The following TRDMT1 variants were observed in gnomAD, a reference collection of about 807,000 sequenced individuals.
TRDMT1 encodes the protein tRNA (cytosine(38)-C(5))-methyltransferase.
In TRDMT1, 49 loss-of-function variants were observed where a neutral mutation model predicts 51.2. The ratio of observed to expected loss-of-function variants is 0.96; its 90% confidence interval spans 0.76 to 1.21. The LOEUF (loss-of-function observed/expected upper bound fraction) is 1.21, where lower values mean the gene tolerates loss of function less well. Among genes scored for constraint, TRDMT1 ranks in the 50% most tolerant of loss-of-function variants. TRDMT1 has a pLI of 0.00. For synonymous variants in TRDMT1, 187 were observed against 164.6 expected (o/e 1.14, Z -1.04); for missense variants, 534 against 462.3 (o/e 1.16, Z -1.42).
At chr10:17,151,991 T>C (rs1315521612) in intron 10 of TRDMT1, 4 of 1,290,710 alleles carry the variant, frequency 3.1e-6, no homozygotes, top group Non-Finnish European at 4.1e-6. Context: ...ATTACCAAAG[T>C]GACTACTGCC....
At chr10:17,199,938 T>C (rs905355066) in intron 1 of TRDMT1, among the ~76,000 whole-genome samples, 3 of 152,202 alleles carry the variant, frequency 2.0e-5, no homozygotes, top group Non-Finnish European at 4.4e-5. Context: ...CACTTAAAAT[T>C]ACACAATTTC....
At chr10:17,181,318 C>T (rs1190738562) in intron 1 of TRDMT1, among the ~76,000 whole-genome samples, 1 of 152,158 alleles carries the variant, frequency 6.6e-6, no homozygotes, top group East Asian at 1.9e-4. Flanking sequence ...CTGATCCGTG[C>T]ACTCTCATCA....
At chr10:17,200,579 T>C (rs1846017212) in intron 1 of TRDMT1, 1 of 167,046 alleles carries the variant, frequency 6.0e-6, no homozygotes, top group South Asian at 2.1e-4. Context: ...GTTCGGTGGT[T>C]GTCTTAGTAA....
chr10:17,173,175 T>C (rs1021031704), intron 2 of TRDMT1, among the ~76,000 whole-genome samples: 1 of 152,194 alleles, frequency 6.6e-6, no homozygotes, highest in African/African-American at 2.4e-5. Context: ...TAAAGTTTAA[T>C]AAATGTAGGT....
intron 7 of TRDMT1, 112 bp downstream of exon 7, chr10:17,159,034 A>C: frequency 1.6e-6 from 1 of 636,138 alleles, no homozygotes; most frequent in Non-Finnish European, 2.4e-6. Context: ...TTTAGATTCT[A>C]TAGTACACAG....
intron 3 of TRDMT1, among the ~76,000 whole-genome samples, chr10:17,163,423 A>C (rs1188644837): frequency 6.6e-6 from 1 of 152,228 alleles, no homozygotes; most frequent in African/African-American, 2.4e-5. Context: ...AAAACAGGAA[A>C]GATCTAAAAT....
In TRDMT1 at chr10:17,157,474, G is replaced by T. The variant is rs1839687404; in HGVS notation, c.854C>A (p.Pro285His). Residue 285 changes from proline (P) to histidine (H), a missense_variant, in exon 8 of 11, where the codon CCC becomes CAC. Pro to His is a moderately conservative substitution (Grantham distance 77, BLOSUM62 -2). Transcript: ENST00000377799. ...AAAGCACACGGACCTTCTACAAGTG[G>T]GCTGAACAATGTCTAACAGAAGAGC... ...RYALLLDIVQ[P>H]TCRRSVCFTK... 1 of 1,612,568 alleles carries T rather than the reference G, an allele frequency of 6.2e-7. No homozygotes were observed. Among genetic ancestry groups the T allele is most frequent in the Non-Finnish European group, 8.5e-7 (1 of 1,178,724 alleles).
chr10:17,172,501 G>GA (rs200961504), intron 2 of TRDMT1, among the ~76,000 whole-genome samples: 63 of 148,048 alleles, frequency 4.3e-4, no homozygotes, highest in Admixed American at 7.4e-4. Flanking sequence ...CTCCAAAAAA[G>GA]AAAAAAAAAT....
intron 8 of TRDMT1, among the ~76,000 whole-genome samples, chr10:17,155,215 A>T (rs191162678): frequency 1.3e-5 from 2 of 148,198 alleles, no homozygotes; most frequent in Admixed American, 6.8e-5. Context: ...CTCCATCTCA[A>T]AAAAATGATA....
chr10:17,190,640 C>T (rs1844570628), intron 1 of TRDMT1, among the ~76,000 whole-genome samples: 1 of 152,178 alleles, frequency 6.6e-6, no homozygotes, highest in Admixed American at 6.5e-5. Flanking sequence ...AAATCTCACA[C>T]ACAACCATGC....
At position 17,141,397 on chromosome 10, in the gene TRDMT1, T is replaced by C. The variant is rs1837675665; in HGVS notation, c.*7643A>G. Among the ~76,000 whole-genome samples, 1 of 152,184 alleles carries C rather than the reference T, an allele frequency of 6.6e-6. No individual in the cohort carries two copies. The highest frequency in any genetic ancestry group is 1.5e-5 in the Non-Finnish European group (1 of 68,030). ...GGATGGTCTCTATCTCCTGACCTTA[T>C]GATCTGCCCCCCTTCGCCTCCTAAA... is the stretch of plus-strand genomic sequence containing the variant. On this transcript the variant is annotated 3_prime_UTR_variant, in exon 11 of 11. Transcript: ENST00000377799.
chr10:17,200,083 T>G (rs1845949812), intron 1 of TRDMT1, among the ~76,000 whole-genome samples: 1 of 152,234 alleles, frequency 6.6e-6, no homozygotes, highest in Non-Finnish European at 1.5e-5. Context: ...GTTTTTCACT[T>G]AGTAACTAGC....
At chr10:17,177,993 A>T (rs192082080) in intron 1 of TRDMT1, among the ~76,000 whole-genome samples, 177 of 152,342 alleles carry the variant, frequency 1.2e-3, no homozygotes, top group Admixed American at 3.6e-3. Context: ...GTTATGTTAG[A>T]TAATATAATG....
At position 17,159,123 on chromosome 10, in the gene TRDMT1, TAATAAAATTCC is replaced by T. The variant is rs1206655681; in HGVS notation, c.543+12_543+22del. On this transcript the variant is annotated intron_variant, in intron 7 of 10. Transcript: ENST00000377799. The stretch of plus-strand genomic sequence containing the variant: ...TATAATAAATAAGCCATAATATTCA[TAATAAAATTCC>T]AATAATAATACCTGACCAGGGGCTT... 1 of 1,465,340 alleles carries T rather than the reference TAATAAAATTCC, an allele frequency of 6.8e-7. No individual in the cohort carries two copies. The highest frequency in any genetic ancestry group is 9.3e-7 in the Non-Finnish European group (1 of 1,077,882). 90.8% of individuals were successfully genotyped at this position (1,465,340 alleles called of 1,614,324 possible).
At chr10:17,169,675 A>ACTT in intron 2 of TRDMT1, 1 of 475,506 alleles carries the variant, frequency 2.1e-6, no homozygotes, top group Non-Finnish European at 3.8e-6. Context: ...ATTATAGCCC[A>ACTT]CTTCTAAGAA....
rs1474899813 is a variant in TRDMT1 at position 17,157,531 on chromosome 10, T to C, written c.797A>G (p.Tyr266Cys). The change falls in exon 8 of 11, where the codon TAT (tyrosine) becomes TGT (cysteine). Residue 266 changes from tyrosine to cysteine, a missense_variant. Physicochemically the swap from Tyr to Cys is radical, Grantham distance 194 (BLOSUM62 -2). Coordinates refer to ENST00000377799, the MANE Select transcript of TRDMT1 (RefSeq NM_004412.7). ...CAGCAATGACTTTGGTGGTAAAAGA[T>C]ACTGGTTCACGTCAGTGTCATCTTC... ...FLEDDTDVNQ[Y>C]LLPPKSLLRY... 1 of 1,614,096 alleles carries C rather than the reference T, an allele frequency of 6.2e-7. No homozygotes were observed. The highest frequency in any genetic ancestry group is 1.7e-5 in the Admixed American group (1 of 60,024).
chr10:17,149,076 A>G lies in TRDMT1; in HGVS notation c.1140T>C (p.His380=). 6.2e-7 allele frequency: 1 copy of G among 1,611,332 alleles called. No homozygotes were observed. The highest frequency in any genetic ancestry group is 8.5e-7 in the Non-Finnish European group (1 of 1,179,018). The stretch of plus-strand genomic sequence containing the variant: ...AGATTTTGATTAGTTTAGCTACTAC[A>G]TGCACGTTGAGACTATTTCCAAGTA... ...YRLLGNSLNV[H]VVAKLIKILY... The change falls in exon 11 of 11, where the codon CAT becomes CAC. Residue 380 remains histidine, a synonymous_variant. Transcript: ENST00000377799.
chr10:17,157,670 T>C lies in TRDMT1; in HGVS notation c.658A>G (p.Ile220Val). 1.2e-6 allele frequency: 2 copies of C among 1,613,438 alleles called. No individual in the cohort carries two copies. Among genetic ancestry groups the C allele is most frequent in the South Asian group, 1.1e-5 (1 of 91,024 alleles). The change falls in exon 8 of 11, where the codon ATA becomes GTA. Residue 220 changes from isoleucine (I) to valine (V), a missense_variant. By Grantham distance (29) the Ile-to-Val change is conservative. Coordinates refer to ENST00000377799, the MANE Select transcript of TRDMT1 (RefSeq NM_004412.7). ...VEPNISFDGS[I>V]QCSGKDAILF... ...ATGGCATCTTTTCCAGAACACTGTA[T>C]GCTGCCATCAAAGCTAATATTTGGT... is the stretch of plus-strand genomic sequence containing the variant.
chr10:17,158,518 A>G (rs1839872164), intron 7 of TRDMT1, among the ~76,000 whole-genome samples: 1 of 152,124 alleles, frequency 6.6e-6, no homozygotes, highest in African/African-American at 2.4e-5. Context: ...TTATTAGTAG[A>G]CATGACTTTT....
Sources: allele counts gnomAD v4.1 joint callset (sites outside exome capture counted in the v4.1 genomes callset), GRCh38; gene constraint gnomAD v4.1.1; transcripts MANE v1.5; gene names NCBI Gene and HGNC (gene_info 2026-07-23, HGNC 2026-07-21).